Variants in FBXO11 observed in about 807,000 individuals in gnomAD.
FBXO11 encodes F-box only protein 11.
A neutral mutation model predicts 117.0 loss-of-function variants in FBXO11; 13 were observed. That is an observed-to-expected ratio of 0.11 (90% CI 0.07 to 0.18). FBXO11 has a LOEUF of 0.18. Among genes scored for constraint, FBXO11 ranks in the 10% least tolerant of loss-of-function variants. FBXO11 has a pLI of 1.00. For synonymous variants in FBXO11, 490 were observed against 380.5 expected (o/e 1.29, Z -3.35); for missense variants, 767 against 1,164.4 (o/e 0.66, Z 4.97).
In FBXO11 at chr2:47,807,099, C is replaced by T. The variant is rs1670263591; in HGVS notation, c.*1019G>A. 1.2e-5 allele frequency: 6 copies of T among 501,210 alleles called. No individual in the cohort carries two copies. Among genetic ancestry groups the T allele is most frequent in the Non-Finnish European group, 2.1e-5 (6 of 282,450 alleles). The allele number at this position is 501,210 out of a possible 1,614,324, so 31.0% of individuals were successfully genotyped here. A position where few individuals can be genotyped will look rare whatever the true frequency, so the allele number is the denominator to read the frequency against. On this transcript the variant is annotated 3_prime_UTR_variant, in exon 23 of 23. Coordinates refer to ENST00000403359, the MANE Select transcript of FBXO11 (RefSeq NM_001190274.2). Reference sequence around the variant, plus strand: ...TTTCAGGCTGTTTTATACCCACTGTCACCAATACACATAAATGGGGGAGGA... The same window carrying T: ...TTTCAGGCTGTTTTATACCCACTGTTACCAATACACATAAATGGGGGAGGA...
chr2:47,867,719 G>T (rs1283007514), intron 1 of FBXO11, among the ~76,000 whole-genome samples: 1 of 150,512 alleles, frequency 6.6e-6, no homozygotes, highest in Non-Finnish European at 1.5e-5. Context: ...CAAATGCCTG[G>T]AGTAAGTCAA....
intron 16 of FBXO11, among the ~76,000 whole-genome samples, chr2:47,814,897 C>T (rs1289788782): frequency 2.6e-5 from 4 of 152,166 alleles, no homozygotes; most frequent in Non-Finnish European, 4.4e-5. Flanking sequence ...ACTATGTTCA[C>T]AGCATCTTCA....
At chr2:47,839,813 A>G in intron 1 of FBXO11, 44 bp from the exon 2 acceptor site, 2 of 1,565,730 alleles carry the variant, frequency 1.3e-6, no homozygotes. Flanking sequence ...CCCTTTTTAA[A>G]AAAAGTTCTA....
In FBXO11 at chr2:47,806,981, T is replaced by TG; in HGVS notation, c.*1136_*1137insC. On this transcript the variant is annotated 3_prime_UTR_variant, in exon 23 of 23. Coordinates refer to ENST00000403359, the MANE Select transcript of FBXO11 (RefSeq NM_001190274.2). ...ATTTTTCCATTTTCTTTCTAGGAAA[T>TG]TAAACCCTTTTAATTCTTATCTACC... The TG allele has an allele frequency of 1.3e-6, 1 of 772,484 alleles. No individual in the cohort carries two copies. The highest frequency in any genetic ancestry group is 2.2e-6 in the Non-Finnish European group (1 of 453,672). 47.9% of individuals were successfully genotyped at this position (772,484 alleles called of 1,614,324 possible).
chr2:47,833,995 A>G (rs1337535106), intron 7 of FBXO11, among the ~76,000 whole-genome samples: 1 of 152,178 alleles, frequency 6.6e-6, no homozygotes, highest in Non-Finnish European at 1.5e-5. Context: ...TAAAAGATGA[A>G]AAAGCTATTT....
intron 1 of FBXO11, among the ~76,000 whole-genome samples, chr2:47,887,174 A>C (rs1470497544): frequency 6.6e-6 from 1 of 151,492 alleles, no homozygotes; most frequent in Non-Finnish European, 1.5e-5. Context: ...AATCCCAGCT[A>C]CTCGGGAGGC....
chr2:47,886,790 T>C (rs1676885547), intron 1 of FBXO11, among the ~76,000 whole-genome samples: 1 of 152,128 alleles, frequency 6.6e-6, no homozygotes. Flanking sequence ...CGGTTTGTTT[T>C]TAATGAAAAA....
chr2:47,847,781 A>ATTGT (rs1322660279), intron 1 of FBXO11, among the ~76,000 whole-genome samples: 1 of 152,022 alleles, frequency 6.6e-6, no homozygotes, highest in Non-Finnish European at 1.5e-5. Flanking sequence ...TGATGAAAAC[A>ATTGT]TTGTTATGTG....
At chr2:47,824,253 C>T (rs772186768) in intron 11 of FBXO11, among the ~76,000 whole-genome samples, 3 of 152,148 alleles carry the variant, frequency 2.0e-5, no homozygotes, top group Non-Finnish European at 4.4e-5. Context: ...TTTGGAAGAC[C>T]GAGCAGGGAG....
Position 47,838,406 on chromosome 2 carries a change from CA to C in FBXO11, c.587+452del, listed in dbSNP as rs1051846853. 1.6e-4 allele frequency among the ~76,000 whole-genome samples: 24 copies of C among 146,760 alleles called. 1 individual carries two copies. The highest frequency in any genetic ancestry group is 5.9e-4 in the African/African-American group (22 of 37,184). ...TGTTACGAAAAATCTGTACATAAAG[CA>C]AAAAAAACTTTTCAGAAGTAGAATT... On this transcript the variant is annotated intron_variant, in intron 4 of 22. Coordinates refer to ENST00000403359, the MANE Select transcript of FBXO11 (RefSeq NM_001190274.2).
At position 47,825,574 on chromosome 2, in the gene FBXO11, T is replaced by C. The variant is rs978745241; in HGVS notation, c.1399-2214A>G. On this transcript the variant is annotated intron_variant, in intron 11 of 22. Transcript: ENST00000403359. ...TGGTGGATTTTTTCTTCTTCTTCTT[T>C]TTTTTTTTTTTTTTTTTTTTTTAGA... 9.7e-4 allele frequency among the ~76,000 whole-genome samples: 137 copies of C among 141,784 alleles called. 1 individual carries two copies. Among genetic ancestry groups the C allele is most frequent in the South Asian group, 2.3e-3 (10 of 4,360 alleles). The allele number at this position is 141,784 out of a possible 152,430, so 93.0% of individuals were successfully genotyped here. A position where few individuals can be genotyped will look rare whatever the true frequency, so the allele number is the denominator to read the frequency against.
At chr2:47,879,481 T>C (rs1406871874) in intron 1 of FBXO11, among the ~76,000 whole-genome samples, 1 of 152,234 alleles carries the variant, frequency 6.6e-6, no homozygotes, top group Non-Finnish European at 1.5e-5. Context: ...ATTGTAGTTT[T>C]AACTTCTCTT....
chr2:47,841,527 C>A (rs930164323), intron 1 of FBXO11, among the ~76,000 whole-genome samples: 1 of 152,172 alleles, frequency 6.6e-6, no homozygotes, highest in African/African-American at 2.4e-5. Context: ...CTGTAAGAAA[C>A]TCTACAGGTC....
intron 16 of FBXO11, among the ~76,000 whole-genome samples, chr2:47,814,515 A>C (rs1420704547): frequency 6.6e-6 from 1 of 151,866 alleles, no homozygotes; most frequent in African/African-American, 2.4e-5. Context: ...AGTAGCTGGG[A>C]CTACAGGTGC....
intron 1 of FBXO11, 50 bp downstream of exon 1, chr2:47,905,439 T>C (rs1678711030): frequency 4.3e-6 from 5 of 1,173,110 alleles, no homozygotes; most frequent in East Asian, 4.3e-5. Context: ...CCGGCCTCCC[T>C]TCCCGCGGTG....
chr2:47,904,816 G>T (rs923856069), intron 1 of FBXO11, among the ~76,000 whole-genome samples: 4 of 152,060 alleles, frequency 2.6e-5, no homozygotes, highest in Admixed American at 2.6e-4. Flanking sequence ...TTATTTAAAG[G>T]TCTTGATTTA....
intron 1 of FBXO11, among the ~76,000 whole-genome samples, chr2:47,857,958 C>T (rs2103714279): frequency 6.6e-6 from 1 of 152,076 alleles, no homozygotes; most frequent in African/African-American, 2.4e-5. Flanking sequence ...TACACACACA[C>T]ATACATATAT....
intron 1 of FBXO11, among the ~76,000 whole-genome samples, chr2:47,875,666 T>C (rs1323979825): frequency 1.3e-5 from 2 of 152,192 alleles, no homozygotes; most frequent in Admixed American, 1.3e-4. Flanking sequence ...TAAGATAGAA[T>C]AATTTTTTAA....
intron 19 of FBXO11, 81 bp from the exon 20 acceptor site, chr2:47,809,788 C>G (rs1174901220): frequency 3.4e-6 from 3 of 873,126 alleles, no homozygotes; most frequent in Non-Finnish European, 5.5e-6. Flanking sequence ...CAAATGTAAA[C>G]TGCTTCTTTT....
Sources: gnomAD v4.1 joint callset for allele counts (sites outside exome capture counted in the v4.1 genomes callset) on GRCh38, gnomAD v4.1.1 for gene constraint, MANE v1.5 for transcripts, NCBI Gene and HGNC (gene_info 2026-07-23, HGNC 2026-07-21) for gene names.